Variants in KCNQ3 observed in about 807,000 individuals in gnomAD.
The protein encoded by KCNQ3 is potassium voltage-gated channel subfamily Q member 3, also known as potassium voltage-gated channel subfamily KQT member 3.
A neutral mutation model predicts 92.5 loss-of-function variants in KCNQ3; 30 were observed. The ratio of observed to expected loss-of-function variants is 0.32; its 90% confidence interval spans 0.24 to 0.44. The LOEUF is 0.44. KCNQ3 is among the 20% of genes least tolerant of loss of function. The pLI is 1.00. For missense variants in KCNQ3, 913 were observed against 1,140.3 expected, an observed-to-expected ratio of 0.80 and a Z score of 2.87; for synonymous variants, 450 against 468.8, an observed-to-expected ratio of 0.96 and a Z score of 0.52.
chr8:132,166,666 T>G (rs1363566339), intron 8 of KCNQ3, among the ~76,000 whole-genome samples: 1 of 152,138 alleles, frequency 6.6e-6, no homozygotes, highest in East Asian at 1.9e-4. Flanking sequence ...AACAATGAGT[T>G]TATAATTATA....
At chr8:132,431,521 G>A (rs1156478160) in intron 1 of KCNQ3, among the ~76,000 whole-genome samples, 15 of 152,184 alleles carry the variant, frequency 9.9e-5, no homozygotes, top group Admixed American at 5.9e-4. Flanking sequence ...AGAGCTCAGC[G>A]GGAGTCTATC....
intron 1 of KCNQ3, among the ~76,000 whole-genome samples, chr8:132,242,428 T>C (rs1268300141): frequency 2.6e-5 from 4 of 152,192 alleles, no homozygotes; most frequent in Admixed American, 1.3e-4. Context: ...ACAATATTTA[T>C]GCTTAGAGGT....
intron 1 of KCNQ3, among the ~76,000 whole-genome samples, chr8:132,244,410 G>A (rs1489041132): frequency 2.0e-5 from 3 of 151,098 alleles, no homozygotes; most frequent in Non-Finnish European, 2.9e-5. Context: ...GAAGGAAAGA[G>A]AAAAGAAGGA....
chr8:132,423,186 G>A (rs1821018291), intron 1 of KCNQ3, among the ~76,000 whole-genome samples: 4 of 152,190 alleles, frequency 2.6e-5, no homozygotes, highest in Admixed American at 2.6e-4. Flanking sequence ...CAGTGTGTAT[G>A]TCATCTGGAG....
chr8:132,315,276 T>C (rs1817708663), intron 1 of KCNQ3, among the ~76,000 whole-genome samples: 1 of 151,968 alleles, frequency 6.6e-6, no homozygotes, highest in Non-Finnish European at 1.5e-5. Context: ...AGTAGACTAA[T>C]GGCAAACTGG....
At chr8:132,185,229 C>T (rs1254286967) in intron 2 of KCNQ3, among the ~76,000 whole-genome samples, 3 of 152,226 alleles carry the variant, frequency 2.0e-5, no homozygotes, top group Non-Finnish European at 4.4e-5. Flanking sequence ...CGATGGCTTG[C>T]CCAGTGTGAG....
rs182700885 is a variant in KCNQ3 at position 132,381,142 on chromosome 8, C to T, written c.386+99005G>A. The stretch of plus-strand genomic sequence containing the variant: ...TGCTCGATCCACCACAAGGTTGGTC[C>T]GTTATCCATAATTTTAGACAGGGAA... On this transcript the variant is annotated intron_variant, in intron 1 of 14. Coordinates refer to ENST00000388996, the MANE Select transcript of KCNQ3 (RefSeq NM_004519.4). Among the ~76,000 whole-genome samples the T allele has an allele frequency of 1.3e-3, 200 of 152,248 alleles. 1 individual carries two copies. The highest frequency in any genetic ancestry group is 6.8e-3 in the Middle Eastern group (2 of 294).
chr8:132,244,410 GA>G (rs1815094100), intron 1 of KCNQ3, among the ~76,000 whole-genome samples: 1 of 151,098 alleles, frequency 6.6e-6, no homozygotes, highest in Non-Finnish European at 1.5e-5. Flanking sequence ...GAAGGAAAGA[GA>G]AAAGAAGGAA....
At chr8:132,411,192 A>G (rs1820642117) in intron 1 of KCNQ3, among the ~76,000 whole-genome samples, 1 of 152,124 alleles carries the variant, frequency 6.6e-6, no homozygotes, top group African/African-American at 2.4e-5. Flanking sequence ...TTTTAAGAGA[A>G]ATTGTTTGGC....
intron 1 of KCNQ3, among the ~76,000 whole-genome samples, chr8:132,408,543 A>G (rs1330369225): frequency 6.6e-6 from 1 of 152,226 alleles, no homozygotes; most frequent in Non-Finnish European, 1.5e-5. Context: ...GCGCCCTCCC[A>G]TGAAAGTGAG....
chr8:132,185,663 G>C (rs141736354), intron 2 of KCNQ3, among the ~76,000 whole-genome samples: 1 of 152,332 alleles, frequency 6.6e-6, no homozygotes, highest in African/African-American at 2.4e-5. Context: ...TAGAGGTTTC[G>C]TGTATAAATG....
chr8:132,187,439 T>C (rs894401369), intron 1 of KCNQ3, among the ~76,000 whole-genome samples: 1 of 152,192 alleles, frequency 6.6e-6, no homozygotes, highest in Non-Finnish European at 1.5e-5. Flanking sequence ...ATCCTGATCA[T>C]ATTTTCTGAT....
chr8:132,224,239 ATT>A (rs1814335053), intron 1 of KCNQ3, among the ~76,000 whole-genome samples: 1 of 151,646 alleles, frequency 6.6e-6, no homozygotes, highest in African/African-American at 2.4e-5. Context: ...CCTGGTCAAT[ATT>A]TTGTTTTCAA....
At chr8:132,175,348 G>T in intron 5 of KCNQ3, 105 bp downstream of exon 5, 1 of 1,297,598 alleles carries the variant, frequency 7.7e-7, no homozygotes, top group Non-Finnish European at 1.1e-6. Flanking sequence ...ACCTCTGACT[G>T]CAGAATGCAG....
intron 1 of KCNQ3, among the ~76,000 whole-genome samples, chr8:132,330,949 CA>C (rs1411123370): frequency 6.6e-6 from 1 of 152,196 alleles, no homozygotes; most frequent in Non-Finnish European, 1.5e-5. Context: ...ATCAGCACAT[CA>C]TAGTGATAAA....
intron 1 of KCNQ3, among the ~76,000 whole-genome samples, chr8:132,420,279 T>C (rs997220637): frequency 2.0e-5 from 3 of 152,114 alleles, no homozygotes; most frequent in Admixed American, 2.0e-4. Context: ...GACTTCAACA[T>C]ATGAATTTTG....
chr8:132,265,069 G>A (rs1815937225), intron 1 of KCNQ3, among the ~76,000 whole-genome samples: 1 of 143,744 alleles, frequency 7.0e-6, no homozygotes, highest in African/African-American at 2.5e-5. Context: ...TAGCTAACAT[G>A]TAGGGCTGCT....
chr8:132,399,177 G>T (rs546767574), intron 1 of KCNQ3, among the ~76,000 whole-genome samples: 1 of 152,234 alleles, frequency 6.6e-6, no homozygotes, highest in Admixed American at 6.5e-5. Flanking sequence ...AACTTGTTTT[G>T]CAGGTTCTTA....
At chr8:132,225,876 A>G (rs1260563177) in intron 1 of KCNQ3, among the ~76,000 whole-genome samples, 1 of 152,226 alleles carries the variant, frequency 6.6e-6, no homozygotes, top group African/African-American at 2.4e-5. Flanking sequence ...TCCTCAACTG[A>G]TATGAACAAG....
Sources: gnomAD v4.1 joint callset for allele counts (sites outside exome capture counted in the v4.1 genomes callset) on GRCh38, gnomAD v4.1.1 for gene constraint, MANE v1.5 for transcripts, NCBI Gene and HGNC (gene_info 2026-07-23, HGNC 2026-07-21) for gene names.